The following ENOX1 variants were observed in gnomAD, a reference collection of about 807,000 sequenced individuals.
The protein encoded by ENOX1 is candidate growth-related and time keeping constitutive hydroquinone (NADH) oxidase.
ENOX1 carries 42 observed loss-of-function variants against 82.5 expected under a neutral mutation model. The observed-to-expected ratio is 0.51, with a 90% CI of 0.40 to 0.66. ENOX1 has a LOEUF of 0.66. Ranked by LOEUF, ENOX1 falls within the 30% of genes least tolerant of loss-of-function variation. The probability of loss-of-function intolerance (pLI) is 0.00; values close to 1 mark genes in which losing one functional copy is unlikely to be tolerated. For missense variants in ENOX1, 608 were observed against 811.6 expected, an observed-to-expected ratio of 0.75 and a Z score of 3.05; for synonymous variants, 271 against 282.2, an observed-to-expected ratio of 0.96 and a Z score of 0.40.
Position 43,496,804 on chromosome 13 carries a change from A to G in ENOX1, c.-218-12652T>C, listed in dbSNP as rs550617376. 5.9e-5 allele frequency among the ~76,000 whole-genome samples: 9 copies of G among 152,228 alleles called. No individual in the cohort carries two copies. In the East Asian group the frequency reaches 7.7e-4, roughly 13 times the overall value. On this transcript the variant is annotated intron_variant, in intron 2 of 16. Transcript: ENST00000690772. ...TTCTGTTCCATTGATCTATTTGTCT[A>G]TCTTTGTCTAGTATCATATTTTCTT...
At chr13:43,458,353 T>A (rs2057320343) in intron 3 of ENOX1, 1 of 152,180 alleles carries the variant, frequency 6.6e-6, no homozygotes. Context: ...AGGTACCCAA[T>A]TAAAAAAAGC....
At chr13:43,221,735 G>T (rs1240550519) in intron 16 of ENOX1, among the ~76,000 whole-genome samples, 4 of 152,142 alleles carry the variant, frequency 2.6e-5, no homozygotes, top group Non-Finnish European at 4.4e-5. Context: ...TACATGCCCG[G>T]CATAATTTAA....
At chr13:43,337,537 C>T (rs2048784789) in intron 9 of ENOX1, among the ~76,000 whole-genome samples, 1 of 152,014 alleles carries the variant, frequency 6.6e-6, no homozygotes, top group South Asian at 2.1e-4. Context: ...TCAATTTTGG[C>T]ACTTGGAGGA....
chr13:43,457,373 C>T (rs1015887349), intron 3 of ENOX1, among the ~76,000 whole-genome samples: 1 of 152,116 alleles, frequency 6.6e-6, no homozygotes, highest in Non-Finnish European at 1.5e-5. Flanking sequence ...GTTGACTTTC[C>T]ATAAATGTTA....
intron 3 of ENOX1, among the ~76,000 whole-genome samples, chr13:43,427,922 A>G (rs1015907414): frequency 3.3e-5 from 5 of 152,206 alleles, no homozygotes; most frequent in African/African-American, 1.2e-4. Context: ...GAAAACAAAA[A>G]AAGTTGGCTG....
chr13:43,598,916 C>G (rs576611110), intron 2 of ENOX1, among the ~76,000 whole-genome samples: 6 of 152,196 alleles, frequency 3.9e-5, no homozygotes, highest in African/African-American at 1.2e-4. Context: ...GAGGATAACT[C>G]TTTGGTAAGT....
chr13:43,213,510 ACTTTTT>A lies in ENOX1; in HGVS notation c.*474_*479del, dbSNP rs1393164732. The A allele has an allele frequency of 8.1e-6, 1 of 123,488 alleles. No individual in the cohort carries two copies. The highest frequency in any genetic ancestry group is 1.8e-5 in the Non-Finnish European group (1 of 55,586). The allele number at this position is 123,488 out of a possible 1,614,324, so 7.6% of individuals were successfully genotyped here. ...TGGTATGCTTTTCCCTCACTGTAAA[ACTTTTT>A]CTTTTTTCTTTTTTTCTTTTTCTTT... On this transcript the variant is annotated 3_prime_UTR_variant, in exon 17 of 17. Coordinates refer to ENST00000690772, the MANE Select transcript of ENOX1 (RefSeq NM_001347969.2).
intron 1 of ENOX1, among the ~76,000 whole-genome samples, chr13:43,747,823 G>C (rs1370808155): frequency 6.6e-6 from 1 of 152,272 alleles, no homozygotes; most frequent in East Asian, 1.9e-4. Flanking sequence ...ATCCCAAAGG[G>C]ATCCATGGAT....
chr13:43,760,702 T>C (rs1950914898), intron 1 of ENOX1, among the ~76,000 whole-genome samples: 2 of 152,016 alleles, frequency 1.3e-5, no homozygotes, highest in Non-Finnish European at 1.5e-5. Context: ...TCCAAGGGAA[T>C]CCAAACAACT....
chr13:43,537,651 T>C (rs553987845), intron 2 of ENOX1, among the ~76,000 whole-genome samples: 2 of 152,214 alleles, frequency 1.3e-5, no homozygotes, highest in Non-Finnish European at 2.9e-5. Flanking sequence ...CACTGAAAAT[T>C]AATAAGCTCT....
In ENOX1 at chr13:43,569,603, C is replaced by T. The variant is rs190317407; in HGVS notation, c.-218-85451G>A. On this transcript the variant is annotated intron_variant, in intron 2 of 16. Coordinates refer to ENST00000690772, the MANE Select transcript of ENOX1 (RefSeq NM_001347969.2). ...TACTGCATGAAGAGGCAGATTGAGA[C>T]GACAACTCATCCTTTATTAGAATCT... 1.1e-4 allele frequency among the ~76,000 whole-genome samples: 17 copies of T among 151,890 alleles called. No homozygotes were observed. In the East Asian group the frequency reaches 2.1e-3, roughly 19 times the overall value.
At chr13:43,489,873 C>G (rs1168192117) in intron 2 of ENOX1, among the ~76,000 whole-genome samples, 1 of 152,144 alleles carries the variant, frequency 6.6e-6, no homozygotes, top group Non-Finnish European at 1.5e-5. Flanking sequence ...GACCTGTTAC[C>G]CCTTTCTTCT....
chr13:43,479,542 C>G (rs577300509), intron 3 of ENOX1, among the ~76,000 whole-genome samples: 3 of 152,160 alleles, frequency 2.0e-5, no homozygotes, highest in African/African-American at 2.4e-5. Context: ...TTTCCCTCAT[C>G]CATGTTCCTA....
rs569122003 is a variant in ENOX1, at chr13:43,499,686, A to G, written c.-218-15534T>C. Among the ~76,000 whole-genome samples, 22 of 152,184 alleles carry G rather than the reference A, an allele frequency of 1.4e-4. 2 individuals are homozygous for G. In the South Asian group the frequency reaches 4.6e-3, roughly 32 times the overall value. On this transcript the variant is annotated intron_variant, in intron 2 of 16. Coordinates refer to ENST00000690772, the MANE Select transcript of ENOX1 (RefSeq NM_001347969.2). ...CTTCAAGTGCACAGACACCAACACA[A>G]AGATACAAGGATCACAAAGAATCAG...
chr13:43,322,043 T>C (rs1024862228), intron 11 of ENOX1, among the ~76,000 whole-genome samples: 2 of 152,248 alleles, frequency 1.3e-5, no homozygotes, highest in African/African-American at 4.8e-5. Context: ...ACAATTCCCA[T>C]GTAAGAAGTA....
At chr13:43,500,205 A>G (rs1325378066) in intron 2 of ENOX1, among the ~76,000 whole-genome samples, 2 of 152,164 alleles carry the variant, frequency 1.3e-5, no homozygotes, top group African/African-American at 4.8e-5. Flanking sequence ...TAATGGCTGA[A>G]CTTTTTAAAA....
chr13:43,708,236 C>G (rs2087450356), intron 1 of ENOX1, among the ~76,000 whole-genome samples: 1 of 152,192 alleles, frequency 6.6e-6, no homozygotes, highest in Non-Finnish European at 1.5e-5. Flanking sequence ...ATGCGTACAA[C>G]TTCAATAAGC....
chr13:43,418,346 G>A (rs992334441), intron 3 of ENOX1, among the ~76,000 whole-genome samples: 2 of 152,284 alleles, frequency 1.3e-5, no homozygotes, highest in South Asian at 4.1e-4. Context: ...TGGCCAACGT[G>A]GTGAAACCCT....
At chr13:43,281,041 A>G (rs1434870751) in intron 12 of ENOX1, among the ~76,000 whole-genome samples, 2 of 152,212 alleles carry the variant, frequency 1.3e-5, no homozygotes, top group Non-Finnish European at 2.9e-5. Flanking sequence ...AGTTTCACCT[A>G]TGCCCTAATC....
Sources: allele counts gnomAD v4.1 joint callset (sites outside exome capture counted in the v4.1 genomes callset), GRCh38; gene constraint gnomAD v4.1.1; transcripts MANE v1.5; gene names NCBI Gene and HGNC (gene_info 2026-07-23, HGNC 2026-07-21).